The following TMEM150C variants were observed in gnomAD, a reference collection of about 807,000 sequenced individuals.
TMEM150C encodes the protein tentonin 3.
A neutral mutation model predicts 29.9 loss-of-function variants in TMEM150C; 10 were observed. The ratio of observed to expected loss-of-function variants is 0.33; its 90% CI spans 0.21 to 0.57. The LOEUF (loss-of-function observed/expected upper bound fraction) is 0.57, where lower values mean the gene tolerates loss of function less well. TMEM150C is among the 20% of genes least tolerant of loss of function. The pLI, the probability that TMEM150C is intolerant of heterozygous loss-of-function variation, is 0.88. For synonymous variants in TMEM150C, 101 were observed against 112.5 expected (o/e 0.90, Z 0.64); for missense variants, 251 against 303.6 (o/e 0.83, Z 1.29).
At chr4:82,517,554 C>T (rs1052510165) in intron 1 of TMEM150C, among the ~76,000 whole-genome samples, 1 of 152,190 alleles carries the variant, frequency 6.6e-6, no homozygotes, top group Non-Finnish European at 1.5e-5. Context: ...TTTTCTTGCG[C>T]TGGAACACCC....
chr4:82,516,681 A>T (rs1310755008), intron 1 of TMEM150C, among the ~76,000 whole-genome samples: 1 of 152,196 alleles, frequency 6.6e-6, no homozygotes, highest in Non-Finnish European at 1.5e-5. Flanking sequence ...AAGAAGGTAA[A>T]ACTGCAGATC....
At chr4:82,545,507 C>T (rs1336531219) in intron 1 of TMEM150C, among the ~76,000 whole-genome samples, 1 of 152,180 alleles carries the variant, frequency 6.6e-6, no homozygotes, top group South Asian at 2.1e-4. Context: ...CCACTCTTAC[C>T]ACTCCTATTT....
At chr4:82,549,516 G>T (rs909800678) in intron 1 of TMEM150C, among the ~76,000 whole-genome samples, 1 of 152,292 alleles carries the variant, frequency 6.6e-6, no homozygotes, top group South Asian at 2.1e-4. Flanking sequence ...TCTGTAAGAC[G>T]AAAGAAGTTT....
At chr4:82,511,567 C>T (rs1012020455) in intron 1 of TMEM150C, among the ~76,000 whole-genome samples, 1 of 147,096 alleles carries the variant, frequency 6.8e-6, no homozygotes, top group African/African-American at 2.5e-5. Context: ...CTCAATCTCC[C>T]CAGGTTCAGG....
intron 5 of TMEM150C, among the ~76,000 whole-genome samples, chr4:82,499,215 G>A (rs959215591): frequency 6.6e-5 from 10 of 152,078 alleles, no homozygotes; most frequent in African/African-American, 2.2e-4. Flanking sequence ...AAAGACTTAC[G>A]GGCCATTTCA....
intron 6 of TMEM150C, among the ~76,000 whole-genome samples, chr4:82,492,916 C>T (rs1375607414): frequency 8.5e-6 from 1 of 118,222 alleles, no homozygotes; most frequent in Non-Finnish European, 1.7e-5. Context: ...GAGATGGGGT[C>T]TTGCTTTGTT....
intron 1 of TMEM150C, among the ~76,000 whole-genome samples, chr4:82,518,167 T>C (rs1446636720): frequency 6.6e-6 from 1 of 151,860 alleles, no homozygotes; most frequent in African/African-American, 2.4e-5. Context: ...ACTACAAAAA[T>C]TAGGCAGGCA....
At chr4:82,519,242 C>T (rs1391448534) in intron 1 of TMEM150C, among the ~76,000 whole-genome samples, 1 of 152,158 alleles carries the variant, frequency 6.6e-6, no homozygotes, top group Non-Finnish European at 1.5e-5. Flanking sequence ...CAGAGTTACT[C>T]ACCAGAAAGG....
chr4:82,519,239 A>C (rs910457261), intron 1 of TMEM150C, among the ~76,000 whole-genome samples: 2 of 152,128 alleles, frequency 1.3e-5, no homozygotes, highest in Non-Finnish European at 2.9e-5. Context: ...GAACAGAGTT[A>C]CTCACCAGAA....
At chr4:82,557,954 A>G (rs1359668624) in intron 1 of TMEM150C, among the ~76,000 whole-genome samples, 3 of 151,902 alleles carry the variant, frequency 2.0e-5, no homozygotes, top group African/African-American at 7.3e-5. Context: ...GCTGGTCTCA[A>G]ACTCCTGACT....
chr4:82,516,613 A>G (rs770845810), intron 1 of TMEM150C, among the ~76,000 whole-genome samples: 13 of 152,194 alleles, frequency 8.5e-5, no homozygotes, highest in Non-Finnish European at 1.6e-4. Flanking sequence ...GGAAGCTATT[A>G]TTGTTATAAA....
At chr4:82,512,639 C>T (rs1724164482) in intron 1 of TMEM150C, among the ~76,000 whole-genome samples, 1 of 151,992 alleles carries the variant, frequency 6.6e-6, no homozygotes, top group Admixed American at 6.6e-5. Flanking sequence ...ATTTAGCAGC[C>T]AATTGTCACA....
At chr4:82,514,746 A>G (rs1291037403) in intron 1 of TMEM150C, among the ~76,000 whole-genome samples, 2 of 152,108 alleles carry the variant, frequency 1.3e-5, no homozygotes, top group East Asian at 1.9e-4. Context: ...ATTCTTGCCA[A>G]TGGAATGTAA....
chr4:82,487,108 C>T (rs1290796243), intron 7 of TMEM150C, among the ~76,000 whole-genome samples: 2 of 152,056 alleles, frequency 1.3e-5, no homozygotes, highest in South Asian at 4.1e-4. Flanking sequence ...AAAAAGATTC[C>T]ACGTGTTCAG....
chr4:82,494,172 G>T (rs1409419877), intron 6 of TMEM150C, among the ~76,000 whole-genome samples: 2 of 152,154 alleles, frequency 1.3e-5, no homozygotes, highest in Non-Finnish European at 2.9e-5. Context: ...ATCAGTGTTT[G>T]CCCTCAAGGA....
intron 6 of TMEM150C, 200 bp downstream of exon 6, chr4:82,495,868 G>T: frequency 1.6e-6 from 1 of 634,978 alleles, no homozygotes; most frequent in Non-Finnish European, 2.7e-6. Flanking sequence ...GCAGCCAATG[G>T]CTAGGAAGGA....
At chr4:82,507,721 CTCTCTCTTTTTTTTTTTTTT>C (rs1723974057) in intron 1 of TMEM150C, among the ~76,000 whole-genome samples, 1 of 59,984 alleles carries the variant, frequency 1.7e-5, no homozygotes. Flanking sequence ...CTCTCTCTCT[CTCTCTCTTTTTTTTTTTTTT>C]TTTTTTTTTT....
chr4:82,558,751 C>T (rs375120804), intron 1 of TMEM150C, among the ~76,000 whole-genome samples: 1 of 152,116 alleles, frequency 6.6e-6, no homozygotes, highest in African/African-American at 2.4e-5. Context: ...AGCTACATGG[C>T]ACCATCAGCT....
At chr4:82,557,524 A>T (rs1725770887) in intron 1 of TMEM150C, among the ~76,000 whole-genome samples, 1 of 152,130 alleles carries the variant, frequency 6.6e-6, no homozygotes, top group Non-Finnish European at 1.5e-5. Context: ...CTAAGAATAC[A>T]TGATCTGTAA....
Sources: allele counts gnomAD v4.1 joint callset (sites outside exome capture counted in the v4.1 genomes callset), GRCh38; gene constraint gnomAD v4.1.1; transcripts MANE v1.5; gene names NCBI Gene and HGNC (gene_info 2026-07-23, HGNC 2026-07-21).